Variants in PPP6R3 observed in about 807,000 individuals in gnomAD.
PPP6R3 encodes protein phosphatase 6 regulatory subunit 3.
PPP6R3 carries 38 observed loss-of-function variants against 110.7 expected under a neutral mutation model. The ratio of observed to expected loss-of-function variants is 0.34; its 90% CI spans 0.26 to 0.45. PPP6R3 has a LOEUF of 0.45. Among genes scored for constraint, PPP6R3 ranks in the 20% least tolerant of loss-of-function variants. The probability of loss-of-function intolerance (pLI) is 1.00; values close to 1 mark genes in which losing one functional copy is unlikely to be tolerated. For synonymous variants in PPP6R3, 369 were observed against 373.5 expected, an observed-to-expected ratio of 0.99 and a Z score of 0.14; for missense variants, 870 against 1,062.4, an observed-to-expected ratio of 0.82 and a Z score of 2.52.
chr11:68,526,186 C>G (rs921348147), intron 2 of PPP6R3, among the ~76,000 whole-genome samples: 12 of 152,042 alleles, frequency 7.9e-5, no homozygotes, highest in Non-Finnish European at 1.2e-4. Flanking sequence ...TTCCAAGAAT[C>G]TTGGATGCTT....
At chr11:68,586,781 C>A (rs1484479047) in intron 15 of PPP6R3, 2 of 152,146 alleles carry the variant, frequency 1.3e-5, no homozygotes, top group Non-Finnish European at 2.9e-5. Context: ...AATGAGTAAT[C>A]AGGAATTAAT....
intron 2 of PPP6R3, among the ~76,000 whole-genome samples, chr11:68,527,011 AG>A (rs764468280): frequency 3.3e-5 from 5 of 152,230 alleles, no homozygotes; most frequent in Admixed American, 6.5e-5. Context: ...GCATCTTAGC[AG>A]TGTATTTGGA....
chr11:68,580,073 G>A (rs1025510320), intron 14 of PPP6R3, among the ~76,000 whole-genome samples: 8 of 152,206 alleles, frequency 5.3e-5, no homozygotes, highest in Non-Finnish European at 1.2e-4. Context: ...AAAATCTGGT[G>A]TCAAGGAAAA....
chr11:68,483,671 A>G (rs766960058), intron 1 of PPP6R3, among the ~76,000 whole-genome samples: 1 of 152,164 alleles, frequency 6.6e-6, no homozygotes, highest in Non-Finnish European at 1.5e-5. Context: ...TAGTAGAGAC[A>G]GGGTTTCACC....
chr11:68,590,744 G>A (rs2153864378), intron 17 of PPP6R3, 30 bp downstream of exon 17: 3 of 1,535,238 alleles, frequency 2.0e-6, no homozygotes, highest in South Asian at 1.3e-5. Context: ...TGAGCAGTGT[G>A]GCACATGAGA....
intron 1 of PPP6R3, among the ~76,000 whole-genome samples, chr11:68,508,998 T>C (rs1250435257): frequency 6.6e-6 from 1 of 152,244 alleles, no homozygotes; most frequent in Non-Finnish European, 1.5e-5. Context: ...AGTCTAATGC[T>C]GTCAACTACT....
intron 2 of PPP6R3, among the ~76,000 whole-genome samples, chr11:68,532,315 G>A (rs1450101171): frequency 6.6e-6 from 1 of 152,174 alleles, no homozygotes; most frequent in Non-Finnish European, 1.5e-5. Context: ...GTTTTCACTT[G>A]TCTTACGTTA....
intron 14 of PPP6R3, 126 bp from the exon 15 acceptor site, chr11:68,582,913 GTGAC>G (rs986394541): frequency 7.4e-5 from 56 of 752,814 alleles, no homozygotes; most frequent in African/African-American, 6.0e-4. Flanking sequence ...CAGCTTAACT[GTGAC>G]TGACTTTCAT....
intron 1 of PPP6R3, among the ~76,000 whole-genome samples, chr11:68,464,174 C>T (rs577670791): frequency 1.3e-5 from 2 of 152,262 alleles, no homozygotes; most frequent in South Asian, 4.1e-4. Context: ...GCTCTGTCGC[C>T]CAGGCTGGAG....
At chr11:68,564,255 G>A in intron 8 of PPP6R3, 48 bp from the exon 9 acceptor site, 1 of 1,532,912 alleles carries the variant, frequency 6.5e-7, no homozygotes, top group Non-Finnish European at 8.9e-7. Flanking sequence ...AACCTTGAAT[G>A]ATTTGTTCTG....
intron 1 of PPP6R3, among the ~76,000 whole-genome samples, chr11:68,500,127 G>A (rs1448287084): frequency 6.6e-6 from 1 of 152,030 alleles, no homozygotes; most frequent in Non-Finnish European, 1.5e-5. Flanking sequence ...ACTCTTAACC[G>A]TAACAACCAC....
chr11:68,531,037 A>G (rs2099236040), intron 2 of PPP6R3, among the ~76,000 whole-genome samples: 1 of 152,190 alleles, frequency 6.6e-6, no homozygotes, highest in Non-Finnish European at 1.5e-5. Flanking sequence ...GTTGAATGAA[A>G]ACCCACTGAT....
intron 1 of PPP6R3, among the ~76,000 whole-genome samples, chr11:68,490,200 G>A (rs1430584890): frequency 6.6e-6 from 1 of 152,078 alleles, no homozygotes; most frequent in Non-Finnish European, 1.5e-5. Flanking sequence ...TTTTCAGGGT[G>A]CAGAATTCTA....
chr11:68,477,771 T>TATATATA (rs2098846217), intron 1 of PPP6R3, among the ~76,000 whole-genome samples: 2 of 138,810 alleles, frequency 1.4e-5, no homozygotes, highest in African/African-American at 5.4e-5. Context: ...TATATATATA[T>TATATATA]AATTTCCAAC....
In PPP6R3 at chr11:68,602,006, C is replaced by T. The variant is rs755913272; in HGVS notation, c.2299+37C>T. 1.4e-5 allele frequency: 21 copies of T among 1,507,754 alleles called. No homozygotes were observed. The South Asian group carries it at 2.2e-4, about 16-fold the overall frequency. The allele number at this position is 1,507,754 out of a possible 1,614,324, so 93.4% of individuals were successfully genotyped here. A position where few individuals can be genotyped will look rare whatever the true frequency, so the allele number is the denominator to read the frequency against. On this transcript the variant is annotated intron_variant, in intron 21 of 23. Transcript: ENST00000393800. The stretch of plus-strand genomic sequence containing the variant: ...GAGGCCTGGGTACACGCCAGGGTCA[C>T]GTGGCTGCTTTGTCAAACCAGACCT...
intron 4 of PPP6R3, 42 bp downstream of exon 4, chr11:68,545,066 T>TC (rs1165076878): frequency 2.7e-6 from 4 of 1,470,490 alleles, no homozygotes; most frequent in Non-Finnish European, 3.8e-6. Context: ...GGGCTGATCA[T>TC]CCCCTTGAGG....
At chr11:68,612,304 G>A (rs11228292) in intron 23 of PPP6R3, among the ~76,000 whole-genome samples, 34,954 of 152,126 alleles carry the variant, frequency 0.23, 4,252 homozygotes, top group Middle Eastern at 0.32. Context: ...TAACCAGCAG[G>A]TATAAGGCAT....
intron 2 of PPP6R3, among the ~76,000 whole-genome samples, chr11:68,529,473 G>T (rs1433870640): frequency 6.6e-6 from 1 of 152,150 alleles, no homozygotes; most frequent in Admixed American, 6.5e-5. Flanking sequence ...CACCTCAGCT[G>T]CCCAAAGTGC....
chr11:68,558,388 G>A (rs2099407297), intron 7 of PPP6R3, 178 bp from the exon 8 acceptor site: 1 of 444,716 alleles, frequency 2.2e-6, no homozygotes, highest in Non-Finnish European at 4.0e-6. Context: ...GTGCATGTGT[G>A]TAATTTATAA....
Sources: allele counts gnomAD v4.1 joint callset (sites outside exome capture counted in the v4.1 genomes callset), GRCh38; gene constraint gnomAD v4.1.1; transcripts MANE v1.5; gene names NCBI Gene and HGNC (gene_info 2026-07-23, HGNC 2026-07-21).